FAAH2: variants seen among roughly 807,000 people sequenced by gnomAD.
FAAH2 encodes fatty acid amide hydrolase 2.
Under a neutral mutation model 36.9 loss-of-function variants are expected in FAAH2, and 60 were observed. The ratio of observed to expected loss-of-function variants is 1.63; its 90% CI spans 1.32 to 2.02. The LOEUF is 2.02. Ranked by LOEUF, FAAH2 falls within the 30% of genes most tolerant of loss-of-function variation. The probability of loss-of-function intolerance (pLI) is 0.00; values close to 1 mark genes in which losing one functional copy is unlikely to be tolerated. For missense variants in FAAH2, 689 were observed against 397.5 expected (o/e 1.73, Z -6.23); for synonymous variants, 214 against 143.8 (o/e 1.49, Z -3.49).
At chrX:57,227,968 C>T in the FAAH2 span, among the ~76,000 whole-genome samples, 1 of 111,607 alleles carries the variant, frequency 9.0e-6, no homozygotes, top group African/African-American at 3.3e-5. Context: ...TCACTCAAAC[C>T]GAAGGGCTGG....
the FAAH2 span, among the ~76,000 whole-genome samples, chrX:57,249,599 G>T: frequency 1.8e-5 from 2 of 111,833 alleles, no homozygotes; most frequent in Non-Finnish European, 3.8e-5. Context: ...CTTTGGGTTG[G>T]TCTGGTGAAC....
the FAAH2 span, among the ~76,000 whole-genome samples, chrX:57,148,439 G>T: frequency 2.7e-5 from 3 of 110,758 alleles, no homozygotes; most frequent in Admixed American, 9.6e-5. Context: ...TTATTTCATT[G>T]AGCAGTGGTT....
At chrX:57,411,801 C>A (rs905543000) in intron 7 of FAAH2, among the ~76,000 whole-genome samples, 64 of 111,809 alleles carry the variant, frequency 5.7e-4, no homozygotes, top group African/African-American at 2.1e-3. Flanking sequence ...TAATGGGAAA[C>A]TACTTCTCTT....
At chrX:57,451,682 C>T (rs2056786089) in intron 10 of FAAH2, among the ~76,000 whole-genome samples, 1 of 111,462 alleles carries the variant, frequency 9.0e-6, no homozygotes, top group Admixed American at 9.5e-5. Context: ...AGGGTATAAA[C>T]ACTACACTAA....
the FAAH2 span, among the ~76,000 whole-genome samples, chrX:57,212,387 T>A: frequency 8.9e-6 from 1 of 112,175 alleles, no homozygotes; most frequent in South Asian, 3.7e-4. Context: ...GTCTTCACTA[T>A]GCCAGTTAAC....
At chrX:57,419,866 T>G (rs1262509065) in intron 7 of FAAH2, among the ~76,000 whole-genome samples, 1 of 112,012 alleles carries the variant, frequency 8.9e-6, no homozygotes, top group Non-Finnish European at 1.9e-5. Context: ...AACATGTAAG[T>G]CTTTAATCCA....
chrX:57,399,297 C>G (rs1196062963), intron 7 of FAAH2, among the ~76,000 whole-genome samples: 3 of 111,595 alleles, frequency 2.7e-5, no homozygotes, highest in African/African-American at 9.8e-5. Context: ...AAGGCCTGGT[C>G]CAGTAAATAA....
intron 3 of FAAH2, among the ~76,000 whole-genome samples, chrX:57,318,986 A>T (rs1448727043): frequency 4.5e-5 from 5 of 111,496 alleles, no homozygotes. Context: ...CATGCTAAAA[A>T]CTCTCAATAA....
chrX:57,212,933 G>C, the FAAH2 span, among the ~76,000 whole-genome samples: 1 of 111,500 alleles, frequency 9.0e-6, no homozygotes, highest in Non-Finnish European at 1.9e-5. Context: ...GTAGAATTTA[G>C]CTGTGAATTC....
At chrX:57,282,445 A>C (rs370935826), upstream of FAAH2, among the ~76,000 whole-genome samples, 1 of 111,263 alleles carries the variant, frequency 9.0e-6, no homozygotes, top group African/African-American at 3.3e-5. Flanking sequence ...AGTTTCTTAG[A>C]GATTGTGGAT....
At chrX:57,171,206 G>T in the FAAH2 span, among the ~76,000 whole-genome samples, 1 of 111,662 alleles carries the variant, frequency 9.0e-6, no homozygotes, top group East Asian at 2.8e-4. Context: ...TGTGAATTGT[G>T]CTGTGATAAA....
chrX:57,354,981 A>T (rs758395914), intron 5 of FAAH2, among the ~76,000 whole-genome samples: 3 of 110,961 alleles, frequency 2.7e-5, no homozygotes, highest in Non-Finnish European at 5.7e-5. Context: ...CACTGCCAGG[A>T]ATTTGCGTTC....
chrX:57,486,548 T>C (rs2057477754), intron 10 of FAAH2, among the ~76,000 whole-genome samples: 1 of 111,916 alleles, frequency 8.9e-6, no homozygotes, highest in African/African-American at 3.2e-5. Flanking sequence ...CCAAAATCCA[T>C]GTGCTCATCA....
chrX:57,419,888 T>C (rs2055961741), intron 7 of FAAH2, among the ~76,000 whole-genome samples: 1 of 111,926 alleles, frequency 8.9e-6, no homozygotes. Context: ...CTTGAATTGA[T>C]TTTTGTATAA....
chrX:57,129,416 G>A, the FAAH2 span, among the ~76,000 whole-genome samples: 1 of 111,739 alleles, frequency 8.9e-6, no homozygotes, highest in African/African-American at 3.2e-5. Context: ...TAACTTAACT[G>A]TATAACTGTA....
chrX:57,352,974 A>G (rs1321274051), intron 5 of FAAH2, among the ~76,000 whole-genome samples: 1 of 111,037 alleles, frequency 9.0e-6, no homozygotes, highest in Non-Finnish European at 1.9e-5. Flanking sequence ...CAAATGGAAG[A>G]ACATTCTATG....
Position 57,392,941 on chromosome X carries a change from C to T in FAAH2, c.996+11912C>T. 3.3e-6 allele frequency: 3 copies of T among 908,448 alleles called. No individual in the cohort carries two copies. The East Asian group carries it at 9.3e-5, about 28-fold the overall frequency. 74.9% of individuals were successfully genotyped at this position (908,448 alleles called of 1,213,427 possible). On this transcript the variant is annotated intron_variant, in intron 7 of 10. Coordinates refer to ENST00000374900, the MANE Select transcript of FAAH2 (RefSeq NM_174912.4). ...TTGAGGAGTAATTCAATGTTGTCTG[C>T]TCCATAGATCTTCTGTGCAATGATC... is the stretch of plus-strand genomic sequence containing the variant.
intron 10 of FAAH2, among the ~76,000 whole-genome samples, chrX:57,463,746 G>A (rs1157183733): frequency 9.0e-6 from 1 of 111,598 alleles, no homozygotes; most frequent in Non-Finnish European, 1.9e-5. Flanking sequence ...TAAAAAGTCT[G>A]GAAACAACAG....
the FAAH2 span, among the ~76,000 whole-genome samples, chrX:57,204,881 G>A: frequency 8.9e-6 from 1 of 112,255 alleles, no homozygotes; most frequent in Non-Finnish European, 1.9e-5. Context: ...GAATTATATG[G>A]GATGCTAGTA....
Sources: gnomAD v4.1 joint callset for allele counts (sites outside exome capture counted in the v4.1 genomes callset) on GRCh38, gnomAD v4.1.1 for gene constraint, MANE v1.5 for transcripts, NCBI Gene and HGNC (gene_info 2026-07-23, HGNC 2026-07-21) for gene names.